The following PCDHB7 variants were observed in gnomAD, a reference collection of about 807,000 sequenced individuals.
PCDHB7 encodes the protein protocadherin beta 7.
For missense variants in PCDHB7, 1,148 were observed against 1,011.6 expected (o/e 1.13, Z -1.83); for synonymous variants, 542 against 463.1 (o/e 1.17, Z -2.19).
At position 141,173,590 on chromosome 5, in the gene PCDHB7, C is replaced by A. The variant is rs1753271278; in HGVS notation, c.755C>A (p.Pro252His). The change falls in exon 1 of 1, where the codon CCC becomes CAC. Residue 252 changes from proline to histidine, a missense_variant. By Grantham distance (77) the Pro-to-His change is moderately conservative. Transcript: ENST00000231137. ...CGGTCGCTCTACAAGGTGCAGGTGC[C>A]CGAAAATAGCCCCGTTGGTTCCATG... ...FVRSLYKVQV[P>H]ENSPVGSMVV... 1.2e-6 allele frequency: 2 copies of A among 1,614,022 alleles called. No individual in the cohort carries two copies. The highest frequency in any genetic ancestry group is 1.7e-6 in the Non-Finnish European group (2 of 1,180,008).
chr5:141,175,422 TCAAA>T lies in PCDHB7; in HGVS notation c.*209_*212del, dbSNP rs1753357859. ...AAATGTATATGTGTAATGTTTTATG[TCAAA>T]CAATTATGCTTAATATACAGTCTAT... On this transcript the variant is annotated 3_prime_UTR_variant, in exon 1 of 1. Transcript: ENST00000231137. The T allele has an allele frequency of 3.0e-6, 2 of 658,614 alleles. No homozygotes were observed. The highest frequency in any genetic ancestry group is 2.4e-5 in the South Asian group (1 of 42,286). The allele number at this position is 658,614 out of a possible 1,614,324, so 40.8% of individuals were successfully genotyped here.
chr5:141,175,153 T>C lies in PCDHB7; in HGVS notation c.2318T>C (p.Leu773Pro). The C allele has an allele frequency of 3.1e-6, 5 of 1,614,178 alleles. No homozygotes were observed. Among genetic ancestry groups the C allele is most frequent in the Non-Finnish European group, 4.2e-6 (5 of 1,180,010 alleles). The change falls in exon 1 of 1, where the codon CTA (leucine) becomes CCA (proline). Residue 773 changes from leucine (L) to proline (P), a missense_variant. Leu to Pro is a moderately conservative substitution (Grantham distance 98, BLOSUM62 -3). Coordinates refer to ENST00000231137, the MANE Select transcript of PCDHB7 (RefSeq NM_018940.4). The stretch of plus-strand genomic sequence containing the variant: ...CTGAAACCAATTATCCCCAACCTGC[T>C]ACCCCAGAGCACAGGCAGGGAAGTG... Reference protein sequence around the residue: ...KFLKPIIPNLLPQSTGREVEE... With the variant: ...KFLKPIIPNLPPQSTGREVEE...
rs368689371 is a variant in PCDHB7 at position 141,173,383 on chromosome 5, A to T, written c.548A>T (p.His183Leu). 5 of 1,614,092 alleles carry T rather than the reference A, an allele frequency of 3.1e-6. No homozygotes were observed. The highest frequency in any genetic ancestry group is 1.7e-5 in the Admixed American group (1 of 60,024). ...AATGCCTATTTCCATATTAATGTCCATGATAGCGGGGAGGGGAATATCTAT... is the reference window on the plus strand; with the variant it reads ...AATGCCTATTTCCATATTAATGTCCTTGATAGCGGGGAGGGGAATATCTAT... The part of the protein sequence containing the change: ...SPNAYFHINV[H>L]DSGEGNIYPE... Residue 183 changes from histidine to leucine, a missense_variant, in exon 1 of 1, where the codon CAT becomes CTT. Physicochemically the swap from His to Leu is moderately conservative, Grantham distance 99. Coordinates refer to ENST00000231137, the MANE Select transcript of PCDHB7 (RefSeq NM_018940.4).
rs4912601 is a variant in PCDHB7 at position 141,174,608 on chromosome 5, G to C, written c.1773G>C (p.Ala591=). 681,113 of 1,607,338 alleles carry C rather than the reference G, an allele frequency of 0.42. 147,684 individuals are homozygous for C. The highest frequency in any genetic ancestry group is 0.62 in the African/African-American group (46,184 of 74,846). The part of the protein sequence containing the change: ...EPGYLVTKVV[A]VDGDSGQNAW... Reference sequence around the variant, plus strand: ...GCTACCTGGTGACCAAGGTGGTGGCGGTGGACGGCGACTCGGGCCAGAACG... The same window carrying C: ...GCTACCTGGTGACCAAGGTGGTGGCCGTGGACGGCGACTCGGGCCAGAACG... The change falls in exon 1 of 1, where the codon GCG becomes GCC. Residue 591 remains alanine, a synonymous_variant. Coordinates refer to ENST00000231137, the MANE Select transcript of PCDHB7 (RefSeq NM_018940.4).
In PCDHB7 at chr5:141,174,543, GC is replaced by G; in HGVS notation, c.1709del (p.Ala570GlyfsTer17). The G allele has an allele frequency of 6.2e-7, 1 of 1,610,166 alleles. No individual in the cohort carries two copies. Among genetic ancestry groups the G allele is most frequent in the Non-Finnish European group, 8.5e-7 (1 of 1,179,634 alleles). On this transcript the variant is annotated frameshift_variant, in exon 1 of 1. Coordinates refer to ENST00000231137, the MANE Select transcript of PCDHB7 (RefSeq NM_018940.4). LOFTEE classifies it low-confidence loss of function (END_TRUNC). ...GCTGTACCCGCTGCAGAACAGCTCC[GC>G]GCCCTGCACCGAGCCGTTGCCCCGG... ...FVLYPLQNSS[A>X]PCTEPLPRAA...
Position 141,172,729 on chromosome 5 carries a change from C to G in PCDHB7, c.-107C>G. 1 of 889,494 alleles carries G rather than the reference C, an allele frequency of 1.1e-6. No homozygotes were observed. Among genetic ancestry groups the G allele is most frequent in the Non-Finnish European group, 1.8e-6 (1 of 570,272 alleles). The allele number at this position is 889,494 out of a possible 1,614,324, so 55.1% of individuals were successfully genotyped here. A position where few individuals can be genotyped will look rare whatever the true frequency, so the allele number is the denominator to read the frequency against. ...GGGGTAAAATGAGGATCCTTCCCCA[C>G]AAACATTGCTATTATTCAGCTCATT... On this transcript the variant is annotated 5_prime_UTR_variant, in exon 1 of 1. Coordinates refer to ENST00000231137, the MANE Select transcript of PCDHB7 (RefSeq NM_018940.4).
chr5:141,174,751 G>C lies in PCDHB7; in HGVS notation c.1916G>C (p.Arg639Thr). Residue 639 changes from arginine (R) to threonine (T), a missense_variant, in exon 1 of 1, where the codon AGG becomes ACG. Arg to Thr is a moderately conservative substitution (Grantham distance 71). Transcript: ENST00000231137. Reference protein sequence around the residue: ...LLSERDAAKQRLVVLVKDNGE... With the variant: ...LLSERDAAKQTLVVLVKDNGE... ...AGCGAGCGCGACGCAGCCAAGCAGA[G>C]GCTGGTGGTGCTGGTCAAGGACAAT... is the stretch of plus-strand genomic sequence containing the variant. 2 of 1,611,288 alleles carry C rather than the reference G, an allele frequency of 1.2e-6. No individual in the cohort carries two copies. The highest frequency in any genetic ancestry group is 2.2e-5 in the South Asian group (2 of 90,994).
chr5:141,173,157 T>C lies in PCDHB7; in HGVS notation c.322T>C (p.Leu108=), dbSNP rs1753256721. ...PREPCVLPFQ[L]LLEKPFQIFR... ...AGAGCCCTGTGTGCTGCCTTTCCAG[T>C]TGTTATTGGAAAAACCTTTTCAGAT... is the stretch of plus-strand genomic sequence containing the variant. The change falls in exon 1 of 1, where the codon TTG becomes CTG. Residue 108 remains leucine, a synonymous_variant. Coordinates refer to ENST00000231137, the MANE Select transcript of PCDHB7 (RefSeq NM_018940.4). The C allele has an allele frequency of 1.2e-6, 2 of 1,613,940 alleles. No individual in the cohort carries two copies. The highest frequency in any genetic ancestry group is 1.7e-6 in the Non-Finnish European group (2 of 1,179,910).
rs1381212287 is a variant in PCDHB7 at position 141,176,291 on chromosome 5, AAT to A, written c.*1076_*1077del. 1.2e-5 allele frequency: 2 copies of A among 167,156 alleles called. No homozygotes were observed. The highest frequency in any genetic ancestry group is 4.8e-5 in the African/African-American group (2 of 41,476). The allele number at this position is 167,156 out of a possible 1,614,324, so 10.4% of individuals were successfully genotyped here. A position where few individuals can be genotyped will look rare whatever the true frequency, so the allele number is the denominator to read the frequency against. On this transcript the variant is annotated 3_prime_UTR_variant, in exon 1 of 1. Transcript: ENST00000231137. ...TGAATCAGGAAAATTTAAGAAAAAG[AAT>A]AGTTAGTTTTAAATGCATAATATCA...
chr5:141,175,147 A>G lies in PCDHB7; in HGVS notation c.2312A>G (p.Asn771Ser). The G allele has an allele frequency of 8.7e-6, 14 of 1,614,192 alleles. No individual in the cohort carries two copies. Among genetic ancestry groups the G allele is most frequent in the Non-Finnish European group, 1.2e-5 (14 of 1,180,018 alleles). The change falls in exon 1 of 1, where the codon AAC (asparagine) becomes AGC (serine). Residue 771 changes from asparagine to serine, a missense_variant. Transcript: ENST00000231137. The stretch of plus-strand genomic sequence containing the variant: ...AAGTTTCTGAAACCAATTATCCCCA[A>G]CCTGCTACCCCAGAGCACAGGCAGG... ...EFKFLKPIIP[N>S]LLPQSTGREV... is the part of the protein sequence containing the mutation.
chr5:141,174,560 G>C lies in PCDHB7; in HGVS notation c.1725G>C (p.Pro575=). 1 of 1,610,124 alleles carries C rather than the reference G, an allele frequency of 6.2e-7. No individual in the cohort carries two copies. The highest frequency in any genetic ancestry group is 8.5e-7 in the Non-Finnish European group (1 of 1,179,626). The change falls in exon 1 of 1, where the codon CCG becomes CCC. Residue 575 remains proline (P), a synonymous_variant. Coordinates refer to ENST00000231137, the MANE Select transcript of PCDHB7 (RefSeq NM_018940.4). ...LQNSSAPCTE[P]LPRAAEPGYL... ...ACAGCTCCGCGCCCTGCACCGAGCC[G>C]TTGCCCCGGGCGGCCGAGCCGGGCT...
rs1554279872 is a variant in PCDHB7, at chr5:141,172,980, G to A, written c.145G>A (p.Ala49Thr). The change falls in exon 1 of 1, where the codon GCA becomes ACA. Residue 49 changes from alanine (A) to threonine (T), a missense_variant. By Grantham distance (58) the Ala-to-Thr change is moderately conservative. Transcript: ENST00000231137. ...TERGTFLTNL[A>T]KDLGLGVGEL... ...GAGAGGCACCTTTCTTACCAACTTG[G>A]CAAAAGACCTAGGGTTAGGGGTAGG... 1 of 1,614,010 alleles carries A rather than the reference G, an allele frequency of 6.2e-7. No individual in the cohort carries two copies. Among genetic ancestry groups the A allele is most frequent in the Non-Finnish European group, 8.5e-7 (1 of 1,180,028 alleles).
rs1448688816 is a variant in PCDHB7, at chr5:141,175,615, A to C, written c.*398A>C. The stretch of plus-strand genomic sequence containing the variant: ...TAAGCATTTTTAAAAAATGCTTTTA[A>C]TGCATCATACACTATTTTAACACTT... On this transcript the variant is annotated 3_prime_UTR_variant, in exon 1 of 1. Coordinates refer to ENST00000231137, the MANE Select transcript of PCDHB7 (RefSeq NM_018940.4). The C allele has an allele frequency of 3.2e-5, 7 of 216,380 alleles. No homozygotes were observed. The highest frequency in any genetic ancestry group is 6.8e-5 in the Non-Finnish European group (7 of 102,362). The allele number at this position is 216,380 out of a possible 1,614,324, so 13.4% of individuals were successfully genotyped here.
At position 141,172,844 on chromosome 5, in the gene PCDHB7, C is replaced by T. The variant is rs201737635; in HGVS notation, c.9C>T (p.Ala3=). The T allele has an allele frequency of 2.4e-4, 385 of 1,610,714 alleles. No individual in the cohort carries two copies. Among genetic ancestry groups the T allele is most frequent in the Non-Finnish European group, 3.0e-4 (358 of 1,177,430 alleles). ...GACTGATCCAAAGAAGAATGGAGGC[C>T]AGAGTGGAGCGTGCTGTGCAGAAAA... The part of the protein sequence containing the change: ME[A]RVERAVQKRQ... The change falls in exon 1 of 1, where the codon GCC becomes GCT. Residue 3 remains alanine, a synonymous_variant. Transcript: ENST00000231137.
chr5:141,176,011 C>G lies in PCDHB7; in HGVS notation c.*794C>G, dbSNP rs1753373203. 6.0e-6 allele frequency: 1 copy of G among 167,192 alleles called. No individual in the cohort carries two copies. Among genetic ancestry groups the G allele is most frequent in the Non-Finnish European group, 1.5e-5 (1 of 68,182 alleles). The allele number at this position is 167,192 out of a possible 1,614,324, so 10.4% of individuals were successfully genotyped here. On this transcript the variant is annotated 3_prime_UTR_variant, in exon 1 of 1. Coordinates refer to ENST00000231137, the MANE Select transcript of PCDHB7 (RefSeq NM_018940.4). ...TATTATTACTAATGCTCTGATCTGT[C>G]CAAACTCAAGCGGAAAACAAAATTG...
At position 141,173,236 on chromosome 5, in the gene PCDHB7, T is replaced by C. The variant is rs782789788; in HGVS notation, c.401T>C (p.Leu134Pro). The change falls in exon 1 of 1, where the codon CTA (leucine) becomes CCA (proline). Residue 134 changes from leucine (L) to proline (P), a missense_variant. Physicochemically the swap from Leu to Pro is moderately conservative, Grantham distance 98. Coordinates refer to ENST00000231137, the MANE Select transcript of PCDHB7 (RefSeq NM_018940.4). ...ATCAATGATCACGCTCCAGTATTTC[T>C]AGACAGAGAGATTTCCTTGAAAATA... ...RDINDHAPVF[L>P]DREISLKILE... 1.2e-6 allele frequency: 2 copies of C among 1,614,178 alleles called. No individual in the cohort carries two copies. Among genetic ancestry groups the C allele is most frequent in the Admixed American group, 1.7e-5 (1 of 60,026 alleles).
Position 141,175,165 on chromosome 5 carries a change from C to T in PCDHB7, c.2330C>T (p.Thr777Ile), listed in dbSNP as rs1173699853. Residue 777 changes from threonine (T) to isoleucine (I), a missense_variant, in exon 1 of 1, where the codon ACA becomes ATA. Transcript: ENST00000231137. The stretch of plus-strand genomic sequence containing the variant: ...ATCCCCAACCTGCTACCCCAGAGCA[C>T]AGGCAGGGAAGTGGAAGAAAATCGC... ...PIIPNLLPQSTGREVEENRPF... is the reference protein window; with the variant it reads ...PIIPNLLPQSIGREVEENRPF... 3.1e-6 allele frequency: 5 copies of T among 1,613,492 alleles called. No individual in the cohort carries two copies. Among genetic ancestry groups the T allele is most frequent in the Non-Finnish European group, 4.2e-6 (5 of 1,179,748 alleles).
chr5:141,173,966 C>A lies in PCDHB7; in HGVS notation c.1131C>A (p.Asn377Lys), dbSNP rs1230558359. The A allele has an allele frequency of 2.5e-6, 4 of 1,613,764 alleles. No homozygotes were observed. The East Asian group carries it at 8.9e-5, about 36-fold the overall frequency. The change falls in exon 1 of 1, where the codon AAC becomes AAA. Residue 377 changes from asparagine to lysine, a missense_variant. Transcript: ENST00000231137. ...GGATTAGAGACAGAGATTCCGGGAA[C>A]AATGGAAAGACAGTGTGCTCCATCC... ...VFRIRDRDSG[N>K]NGKTVCSIQD...
rs782092408 is a variant in PCDHB7, at chr5:141,175,130, G to C, written c.2295G>C (p.Leu765=). 65 of 1,614,030 alleles carry C rather than the reference G, an allele frequency of 4.0e-5. No homozygotes were observed. Among genetic ancestry groups the C allele is most frequent in the Non-Finnish European group, 5.3e-5 (62 of 1,179,968 alleles). The change falls in exon 1 of 1, where the codon CTG becomes CTC. Residue 765 remains leucine, a synonymous_variant. Transcript: ENST00000231137. ...CCGGGACAAATGAGTTCAAGTTTCT[G>C]AAACCAATTATCCCCAACCTGCTAC... ...GGSGTNEFKF[L]KPIIPNLLPQ...
Sources: gnomAD v4.1 joint callset for allele counts on GRCh38, gnomAD v4.1.1 for gene constraint, MANE v1.5 for transcripts, NCBI Gene and HGNC (gene_info 2026-07-23, HGNC 2026-07-21) for gene names.